Variants in CASK observed in about 807,000 individuals in gnomAD.
The protein encoded by CASK is calcium/calmodulin dependent serine protein kinase.
CASK carries 4 observed loss-of-function variants against 82.9 expected under a neutral mutation model. That is an observed-to-expected ratio of 0.05 (90% CI 0.02 to 0.11). CASK has a LOEUF of 0.11. Among genes scored for constraint, CASK ranks in the 10% least tolerant of loss-of-function variants. The pLI is 1.00. For missense variants in CASK, 358 were observed against 720.9 expected, an observed-to-expected ratio of 0.50 and a Z score of 5.76; for synonymous variants, 259 against 253.5, an observed-to-expected ratio of 1.02 and a Z score of -0.20.
At chrX:41,652,373 G>A (rs779943554) in intron 8 of CASK, among the ~76,000 whole-genome samples, 3 of 112,043 alleles carry the variant, frequency 2.7e-5, no homozygotes, top group Non-Finnish European at 5.6e-5. Flanking sequence ...TCCAAGGGCC[G>A]GAGTGTAGAT....
intron 10 of CASK, among the ~76,000 whole-genome samples, chrX:41,624,782 C>A (rs2066338246): frequency 9.0e-6 from 1 of 111,273 alleles, no homozygotes; most frequent in African/African-American, 3.3e-5. Flanking sequence ...GCTCATGGTA[C>A]CAACAGGAAA....
intron 5 of CASK, among the ~76,000 whole-genome samples, chrX:41,673,219 G>A (rs1476634249): frequency 1.8e-5 from 2 of 112,163 alleles, no homozygotes; most frequent in Non-Finnish European, 3.8e-5. Context: ...ATTCTCCTCT[G>A]TGTAGATTCA....
At chrX:41,886,461 A>G (rs2072050353) in intron 1 of CASK, among the ~76,000 whole-genome samples, 2 of 111,910 alleles carry the variant, frequency 1.8e-5, no homozygotes, top group Non-Finnish European at 3.8e-5. Context: ...TTTAAAGTCA[A>G]GCTTGACTAG....
intron 2 of CASK, among the ~76,000 whole-genome samples, chrX:41,787,550 CAAAAAA>C (rs778064917): frequency 2.5e-5 from 1 of 39,727 alleles, no homozygotes; most frequent in Non-Finnish European, 5.1e-5. Flanking sequence ...TCCCCAAAAG[CAAAAAA>C]AAAAAAAAAA....
chrX:41,552,121 G>C (rs1392538317), intron 21 of CASK, among the ~76,000 whole-genome samples: 1 of 102,805 alleles, frequency 9.7e-6, no homozygotes, highest in Non-Finnish European at 2.0e-5. Context: ...ATTTCAAGTA[G>C]AGACAGGGTT....
chrX:41,683,780 A>T (rs192187981), intron 5 of CASK, among the ~76,000 whole-genome samples: 13 of 111,966 alleles, frequency 1.2e-4, no homozygotes, highest in African/African-American at 4.2e-4. Flanking sequence ...TGATACTAAC[A>T]TAATTACTCA....
intron 2 of CASK, among the ~76,000 whole-genome samples, chrX:41,798,281 G>C (rs2069906129): frequency 8.9e-6 from 1 of 111,880 alleles, no homozygotes; most frequent in Admixed American, 9.5e-5. Context: ...AGCTAGCTGG[G>C]CACCCAGCGT....
chrX:41,769,965 C>A lies in CASK; in HGVS notation c.278+17213G>T, dbSNP rs186795028. Among the ~76,000 whole-genome samples, 1,075 of 110,726 alleles carry A rather than the reference C, an allele frequency of 9.7e-3. 16 individuals carry two copies. The highest frequency in any genetic ancestry group is 0.033 in the African/African-American group (1,020 of 30,456). On this transcript the variant is annotated intron_variant, in intron 3 of 26. Transcript: ENST00000378163. ...GTCTCAACAACAACAACAACAACAA[C>A]AAAATTCCTCTTTGGAGAAAGAAAG... is the stretch of plus-strand genomic sequence containing the variant.
chrX:41,910,079 G>A (rs1417315777), intron 1 of CASK, among the ~76,000 whole-genome samples: 5 of 110,995 alleles, frequency 4.5e-5, no homozygotes, highest in Non-Finnish European at 7.6e-5. Flanking sequence ...AGACTAAGCC[G>A]GGCGTGGTGG....
chrX:41,736,221 G>A (rs181130994), intron 5 of CASK, among the ~76,000 whole-genome samples: 59 of 112,305 alleles, frequency 5.3e-4, no homozygotes, highest in African/African-American at 1.7e-3. Flanking sequence ...AACACCGGGC[G>A]CGGTGGCTCA....
intron 8 of CASK, among the ~76,000 whole-genome samples, chrX:41,640,175 C>T (rs781651823): frequency 9.1e-5 from 10 of 110,445 alleles, no homozygotes; most frequent in African/African-American, 1.3e-4. Context: ...TACCATTTTA[C>T]GTTCCTACTA....
At chrX:41,768,494 GTCT>G (rs941055638) in intron 3 of CASK, among the ~76,000 whole-genome samples, 1 of 110,747 alleles carries the variant, frequency 9.0e-6, no homozygotes, top group East Asian at 2.8e-4. Context: ...TTATACTGCT[GTCT>G]TCAACTCTAA....
intron 16 of CASK, chrX:41,562,817 T>C (rs1435297597): frequency 1.9e-5 from 2 of 107,656 alleles, no homozygotes; most frequent in Non-Finnish European, 3.8e-5. Flanking sequence ...TCCCAGCACT[T>C]TGGGAGGCTG....
At chrX:41,847,415 T>C (rs2071177103) in intron 2 of CASK, among the ~76,000 whole-genome samples, 1 of 112,022 alleles carries the variant, frequency 8.9e-6, no homozygotes, top group South Asian at 3.7e-4. Flanking sequence ...TTAGTTACTG[T>C]ATTTTTCAAT....
intron 20 of CASK, 66 bp from the exon 21 acceptor site, chrX:41,553,981 C>A: frequency 1.3e-6 from 1 of 747,953 alleles, no homozygotes; most frequent in South Asian, 2.2e-5. Context: ...GCTCTAATGT[C>A]ATAACCACAC....
intron 7 of CASK, among the ~76,000 whole-genome samples, chrX:41,660,940 A>G (rs966902890): frequency 1.8e-5 from 2 of 112,340 alleles, no homozygotes; most frequent in African/African-American, 6.5e-5. Context: ...TTTTTAAGAT[A>G]TGTTTTAAAA....
At chrX:41,780,773 C>T (rs772483924) in intron 3 of CASK, among the ~76,000 whole-genome samples, 13 of 111,067 alleles carry the variant, frequency 1.2e-4, no homozygotes, top group Non-Finnish European at 2.1e-4. Context: ...CTCAGCCTCC[C>T]GAGTAGCTGG....
At chrX:41,864,366 A>T (rs2071548950) in intron 1 of CASK, among the ~76,000 whole-genome samples, 1 of 111,264 alleles carries the variant, frequency 9.0e-6, no homozygotes, top group African/African-American at 3.3e-5. Context: ...TTCGCATTCA[A>T]GTAAGTTTGG....
intron 5 of CASK, among the ~76,000 whole-genome samples, chrX:41,726,155 T>C (rs1197569703): frequency 1.8e-5 from 2 of 112,165 alleles, no homozygotes; most frequent in Non-Finnish European, 3.8e-5. Flanking sequence ...CGCTATGTTG[T>C]CCAGGGTGTT....
Sources: allele counts gnomAD v4.1 joint callset (sites outside exome capture counted in the v4.1 genomes callset), GRCh38; gene constraint gnomAD v4.1.1; transcripts MANE v1.5; gene names NCBI Gene and HGNC (gene_info 2026-07-23, HGNC 2026-07-21).